The following KCNJ3 variants were observed in gnomAD, a reference collection of about 807,000 sequenced individuals.
KCNJ3 encodes the protein potassium inwardly rectifying channel subfamily J member 3, also known as G protein-activated inward rectifier potassium channel 1.
A neutral mutation model predicts 39.2 loss-of-function variants in KCNJ3; 4 were observed. That is an observed-to-expected ratio of 0.10 (90% CI 0.05 to 0.23). The LOEUF (loss-of-function observed/expected upper bound fraction) is 0.23, where lower values mean the gene tolerates loss of function less well. Among genes scored for constraint, KCNJ3 ranks in the 10% least tolerant of loss-of-function variants. The probability of loss-of-function intolerance (pLI) is 1.00; values close to 1 mark genes in which losing one functional copy is unlikely to be tolerated. For missense variants in KCNJ3, 276 were observed against 634.9 expected, an observed-to-expected ratio of 0.43 and a Z score of 6.08; for synonymous variants, 230 against 237.4, an observed-to-expected ratio of 0.97 and a Z score of 0.29.
intron 2 of KCNJ3, among the ~76,000 whole-genome samples, chr2:154,737,894 T>A (rs963037214): frequency 6.6e-6 from 1 of 152,046 alleles, no homozygotes; most frequent in Non-Finnish European, 1.5e-5. Context: ...TAAAACTCCA[T>A]GTACATATGT....
chr2:154,736,158 G>T (rs1378261651), intron 2 of KCNJ3, among the ~76,000 whole-genome samples: 1 of 151,770 alleles, frequency 6.6e-6, no homozygotes, highest in Non-Finnish European at 1.5e-5. Flanking sequence ...TCTTGTCATT[G>T]TAAATTATAT....
At chr2:154,823,149 T>TACTA (rs1426388847) in intron 2 of KCNJ3, among the ~76,000 whole-genome samples, 1 of 152,078 alleles carries the variant, frequency 6.6e-6, no homozygotes, top group Non-Finnish European at 1.5e-5. Flanking sequence ...ATTGATATGG[T>TACTA]ACTAATAAAA....
chr2:154,775,781 T>C (rs12995382), intron 2 of KCNJ3, among the ~76,000 whole-genome samples: 41,988 of 151,964 alleles, frequency 0.28, 7,198 homozygotes, highest in Non-Finnish European at 0.39. Flanking sequence ...GCGTAAAACA[T>C]GAAAGGACAA....
intron 2 of KCNJ3, among the ~76,000 whole-genome samples, chr2:154,848,099 CACATAT>C (rs770202667): frequency 6.6e-6 from 1 of 152,260 alleles, no homozygotes; most frequent in East Asian, 1.9e-4. Context: ...AATATATATA[CACATAT>C]ACATATACCA....
At chr2:154,846,632 T>G (rs1020721727) in intron 2 of KCNJ3, among the ~76,000 whole-genome samples, 1 of 152,186 alleles carries the variant, frequency 6.6e-6, no homozygotes. Context: ...TTGCTTAATA[T>G]TTCCCTGTCT....
chr2:154,735,134 G>A (rs1255761056), intron 2 of KCNJ3, among the ~76,000 whole-genome samples: 1 of 149,610 alleles, frequency 6.7e-6, no homozygotes, highest in Non-Finnish European at 1.5e-5. Flanking sequence ...TCGCCCAGGC[G>A]GGAGTGCAGG....
intron 2 of KCNJ3, among the ~76,000 whole-genome samples, chr2:154,736,374 T>TAAAAAAAAAAAAAAAAAAA (rs70983745): frequency 1.1e-4 from 10 of 93,228 alleles, no homozygotes; most frequent in South Asian, 4.8e-4. Flanking sequence ...TCACTAGTTC[T>TAAAAAAAAAAAAAAAAAAA]AAAAAAAAAA....
At position 154,709,791 on chromosome 2, in the gene KCNJ3, C is replaced by A; in HGVS notation, c.891C>A (p.Val297=). The A allele has an allele frequency of 6.2e-7, 1 of 1,613,796 alleles. No individual in the cohort carries two copies. The highest frequency in any genetic ancestry group is 8.5e-7 in the Non-Finnish European group (1 of 1,179,774). The change falls in exon 2 of 3, where the codon GTC becomes GTA. Residue 297 remains valine (V), a synonymous_variant. Coordinates refer to ENST00000295101, the MANE Select transcript of KCNJ3 (RefSeq NM_002239.4). ...AAACTGAACAGTTCGAGATTGTCGTCATCCTAGAAGGCATTGTGGAAACAA... is the reference window on the plus strand; with the variant it reads ...AAACTGAACAGTTCGAGATTGTCGTAATCCTAGAAGGCATTGTGGAAACAA... The part of the protein sequence containing the change: ...SMQTEQFEIV[V]ILEGIVETTG...
At chr2:154,721,568 G>A (rs1022759621) in intron 2 of KCNJ3, among the ~76,000 whole-genome samples, 4 of 151,712 alleles carry the variant, frequency 2.6e-5, no homozygotes, top group African/African-American at 7.3e-5. Context: ...AATCTAACAC[G>A]ACATGTTCAG....
rs775672678 is a variant in KCNJ3, at chr2:154,698,949, C to A, written c.174C>A (p.Gly58=). ...ACGGCCGGTGCAATGTACAGCACGG[C>A]AACCTGGGCAGCGAGACAAGCCGCT... ...DKNGRCNVQH[G]NLGSETSRYL... The change falls in exon 1 of 3, where the codon GGC becomes GGA. Residue 58 remains glycine, a synonymous_variant. Coordinates refer to ENST00000295101, the MANE Select transcript of KCNJ3 (RefSeq NM_002239.4). 1.2e-5 allele frequency: 19 copies of A among 1,614,182 alleles called. No homozygotes were observed. Among genetic ancestry groups the A allele is most frequent in the Non-Finnish European group, 1.4e-5 (16 of 1,180,026 alleles).
intron 2 of KCNJ3, among the ~76,000 whole-genome samples, chr2:154,803,071 T>C (rs1686847355): frequency 6.6e-6 from 1 of 152,086 alleles, no homozygotes; most frequent in Admixed American, 6.6e-5. Context: ...AATGTTAAAT[T>C]GTAACTTACT....
intron 2 of KCNJ3, among the ~76,000 whole-genome samples, chr2:154,841,925 T>G (rs528625676): frequency 1.3e-5 from 2 of 152,286 alleles, no homozygotes; most frequent in South Asian, 4.1e-4. Flanking sequence ...CTTTTTTATG[T>G]CTCTCTGTAT....
intron 2 of KCNJ3, among the ~76,000 whole-genome samples, chr2:154,743,308 A>G (rs1476506565): frequency 6.6e-6 from 1 of 151,804 alleles, no homozygotes; most frequent in African/African-American, 2.4e-5. Context: ...TGAGTCTTCC[A>G]TCAATTGTTT....
At chr2:154,740,998 T>C (rs1354861618) in intron 2 of KCNJ3, among the ~76,000 whole-genome samples, 1 of 151,934 alleles carries the variant, frequency 6.6e-6, no homozygotes, top group African/African-American at 2.4e-5. Context: ...CTGGAATTAA[T>C]GTTGAGAGAA....
At chr2:154,803,901 A>T (rs1686864574) in intron 2 of KCNJ3, among the ~76,000 whole-genome samples, 1 of 152,082 alleles carries the variant, frequency 6.6e-6, no homozygotes, top group Non-Finnish European at 1.5e-5. Flanking sequence ...TTTAAGTATA[A>T]TTTTTGAACT....
In KCNJ3 at chr2:154,709,636, C is replaced by T. The variant is rs1685069459; in HGVS notation, c.736C>T (p.Leu246Phe). The change falls in exon 2 of 3, where the codon CTT (leucine) becomes TTT (phenylalanine). Residue 246 changes from leucine to phenylalanine, a missense_variant. By Grantham distance (22) the Leu-to-Phe change is conservative (BLOSUM62 0). Transcript: ENST00000295101. Reference sequence around the variant, plus strand: ...GACACCTGAGGGTGAGTTCCTTCCCCTTGACCAACTTGAACTGGATGTAGG... The same window carrying T: ...GACACCTGAGGGTGAGTTCCTTCCCTTTGACCAACTTGAACTGGATGTAGG... ...RQTPEGEFLP[L>F]DQLELDVGFS... 2 of 1,613,938 alleles carry T rather than the reference C, an allele frequency of 1.2e-6. No individual in the cohort carries two copies. Among genetic ancestry groups the T allele is most frequent in the East Asian group, 4.5e-5 (2 of 44,868 alleles).
At chr2:154,743,985 C>T (rs1445070951) in intron 2 of KCNJ3, among the ~76,000 whole-genome samples, 1 of 151,374 alleles carries the variant, frequency 6.6e-6, no homozygotes, top group Admixed American at 6.6e-5. Flanking sequence ...TGTAGACATT[C>T]TTTATAAAGT....
chr2:154,785,326 C>T (rs918791126), intron 2 of KCNJ3, among the ~76,000 whole-genome samples: 1 of 152,078 alleles, frequency 6.6e-6, no homozygotes, highest in African/African-American at 2.4e-5. Context: ...TTCTGAGGAC[C>T]CTCCTCCTGC....
intron 2 of KCNJ3, among the ~76,000 whole-genome samples, chr2:154,736,152 G>A (rs561720187): frequency 6.6e-5 from 10 of 151,762 alleles, no homozygotes; most frequent in Admixed American, 3.3e-4. Flanking sequence ...TTCCTCTCTT[G>A]TCATTGTAAA....
Sources: allele counts gnomAD v4.1 joint callset (sites outside exome capture counted in the v4.1 genomes callset), GRCh38; gene constraint gnomAD v4.1.1; transcripts MANE v1.5; gene names NCBI Gene and HGNC (gene_info 2026-07-23, HGNC 2026-07-21).